The following RGN variants were observed in gnomAD, a reference collection of about 807,000 sequenced individuals.
RGN encodes epididymis secretory protein Li 41.
In RGN, 19 loss-of-function variants were observed where a neutral mutation model predicts 20.6. The observed-to-expected ratio is 0.92, with a 90% CI of 0.64 to 1.35. The LOEUF (loss-of-function observed/expected upper bound fraction) is 1.35. RGN is among the 40% of genes most tolerant of loss of function. The pLI, the probability that RGN is intolerant of heterozygous loss-of-function variation, is 0.00. For synonymous variants in RGN, 85 were observed against 87.2 expected, an observed-to-expected ratio of 0.97 and a Z score of 0.14; for missense variants, 302 against 232.7, an observed-to-expected ratio of 1.30 and a Z score of -1.94.
intron 1 of RGN, among the ~76,000 whole-genome samples, chrX:47,079,524 G>A (rs1294216650): frequency 2.8e-5 from 3 of 107,525 alleles, no homozygotes; most frequent in South Asian, 4.2e-4. Context: ...TCTGCCTCCC[G>A]GGTTCAAACG....
intron 5 of RGN, 46 bp from the exon 6 acceptor site, chrX:47,091,632 G>A (rs1556387890): frequency 1.1e-5 from 13 of 1,178,414 alleles, no homozygotes; most frequent in Non-Finnish European, 1.4e-5. Flanking sequence ...TTAGTGGCCT[G>A]TTGTTTTGTT....
At chrX:47,091,342 G>A (rs1931005493) in intron 5 of RGN, among the ~76,000 whole-genome samples, 1 of 111,909 alleles carries the variant, frequency 8.9e-6, no homozygotes, top group African/African-American at 3.2e-5. Flanking sequence ...AAACAGCAAA[G>A]GTCTAACCAC....
chrX:47,085,185 T>C (rs1292189083), intron 4 of RGN, among the ~76,000 whole-genome samples: 4 of 111,622 alleles, frequency 3.6e-5, no homozygotes, highest in African/African-American at 1.3e-4. Flanking sequence ...TTGTTGTTGA[T>C]GTTTAAATCA....
chrX:47,078,955 C>CTTTTTTT (rs781962121), intron 1 of RGN, among the ~76,000 whole-genome samples: 1 of 78,615 alleles, frequency 1.3e-5, no homozygotes, highest in Non-Finnish European at 2.4e-5. Context: ...CCCACCCCCG[C>CTTTTTTT]TTTTTTTTTT....
At chrX:47,079,341 G>A (rs1556380274) in intron 1 of RGN, among the ~76,000 whole-genome samples, 1 of 64,521 alleles carries the variant, frequency 1.5e-5, no homozygotes, top group Non-Finnish European at 2.7e-5. Flanking sequence ...AGTTTGGGCT[G>A]AGGTTTTTTT....
chrX:47,089,035 A>G (rs1326614052), intron 4 of RGN, among the ~76,000 whole-genome samples: 1 of 98,308 alleles, frequency 1.0e-5, no homozygotes, highest in Non-Finnish European at 2.0e-5. Context: ...CTGTGACCCC[A>G]GCACTTTGGA....
Position 47,084,526 on chromosome X carries a change from C to A in RGN, c.272C>A (p.Ala91Asp), listed in dbSNP as rs1556383210. 1 of 1,203,906 alleles carries A rather than the reference C, an allele frequency of 8.3e-7. No individual in the cohort carries two copies. The highest frequency in any genetic ancestry group is 2.2e-5 in the Admixed American group (1 of 45,274). The change falls in exon 4 of 8, where the codon GCC becomes GAC. Residue 91 changes from alanine to aspartate, a missense_variant. Transcript: ENST00000397180. Reference protein sequence around the residue: ...NWKEQSAVVLATVDNDKKNNR... With the variant: ...NWKEQSAVVLDTVDNDKKNNR... Reference sequence around the variant, plus strand: ...AAAGAACAATCAGCAGTTGTCTTGGCCACGGTGGATAACGACAAGAAAAAC... The same window carrying A: ...AAAGAACAATCAGCAGTTGTCTTGGACACGGTGGATAACGACAAGAAAAAC...
chrX:47,084,430 G>T lies in RGN; in HGVS notation c.176G>T (p.Ser59Ile). The T allele has an allele frequency of 1.7e-6, 2 of 1,202,000 alleles. No homozygotes were observed. Among genetic ancestry groups the T allele is most frequent in the Non-Finnish European group, 1.1e-6 (1 of 890,390 alleles). The change falls in exon 4 of 8, where the codon AGC becomes ATC. Residue 59 changes from serine to isoleucine, a missense_variant. Transcript: ENST00000397180. ...TTTACCTCTACAGATGCCCCAGTCA[G>T]CTCCGTGGCTCTTCGCCAGTCGGGA... ...VQRVTMDAPV[S>I]SVALRQSGGY... is the part of the protein sequence containing the mutation.
intron 4 of RGN, among the ~76,000 whole-genome samples, chrX:47,089,535 T>TTATATATACTTAC (rs1556386135): frequency 2.7e-5 from 2 of 74,223 alleles, no homozygotes; most frequent in Non-Finnish European, 4.8e-5. Flanking sequence ...TATACTCATA[T>TTATATATACTTAC]ATATACATAT....
intron 1 of RGN, among the ~76,000 whole-genome samples, chrX:47,079,398 C>T (rs1257891204): frequency 5.2e-5 from 5 of 95,667 alleles, no homozygotes; most frequent in Admixed American, 1.2e-4. Flanking sequence ...GGTTTGGTTT[C>T]TGTTTTTGTT....
At chrX:47,091,549 G>T in intron 5 of RGN, 129 bp from the exon 6 acceptor site, 1 of 702,076 alleles carries the variant, frequency 1.4e-6, no homozygotes, top group Non-Finnish European at 2.0e-6. Context: ...TTGTTCACAT[G>T]CCAGACACTG....
intron 3 of RGN, among the ~76,000 whole-genome samples, chrX:47,082,147 A>C (rs1930356791): frequency 1.8e-5 from 2 of 111,188 alleles, no homozygotes; most frequent in African/African-American, 6.5e-5. Context: ...AATTCTAAAG[A>C]AGGGATTTAT....
chrX:47,081,747 A>G lies in RGN; in HGVS notation c.163+440A>G, dbSNP rs782450322. 1.5e-4 allele frequency among the ~76,000 whole-genome samples: 17 copies of G among 110,877 alleles called. No individual in the cohort carries two copies. The South Asian group carries it at 6.1e-3, about 40-fold the overall frequency. ...TTTTTTGTAGAGATGGTGTTTCACC[A>G]TGTTGCCCAGGCTAGTCTCAAACTC... On this transcript the variant is annotated intron_variant, in intron 3 of 7. Transcript: ENST00000397180.
intron 5 of RGN, among the ~76,000 whole-genome samples, chrX:47,090,964 G>GAAAGAA (rs1930982285): frequency 9.6e-6 from 1 of 104,227 alleles, no homozygotes; most frequent in African/African-American, 3.5e-5. Context: ...AAGAAAGAAA[G>GAAAGAA]AAAGAAAGAA....
At chrX:47,084,709 C>A in intron 4 of RGN, 109 bp downstream of exon 4, 1 of 670,027 alleles carries the variant, frequency 1.5e-6, no homozygotes, top group Non-Finnish European at 2.2e-6. Context: ...TAATCCAGCA[C>A]TTTGGGAGCC....
chrX:47,089,739 C>G, intron 4 of RGN, 37 bp from the exon 5 acceptor site: 1 of 1,088,467 alleles, frequency 9.2e-7, no homozygotes. Flanking sequence ...GGGTAAGATG[C>G]TATGGGGCAG....
In RGN at chrX:47,078,680, G is replaced by A. The variant is rs1930143334; in HGVS notation, c.-665G>A. ...GCCCGAGGTCCCAGCGGCTCTACCAGATTGTTGTGGAGGCCTCTCACCCGC... is the reference window on the plus strand; with the variant it reads ...GCCCGAGGTCCCAGCGGCTCTACCAAATTGTTGTGGAGGCCTCTCACCCGC... On this transcript the variant is annotated 5_prime_UTR_variant, in exon 1 of 8. Transcript: ENST00000397180. The A allele has an allele frequency of 1.8e-5, 2 of 111,399 alleles. No homozygotes were observed. The highest frequency in any genetic ancestry group is 6.5e-5 in the African/African-American group (2 of 30,644). 9.2% of individuals were successfully genotyped at this position (111,399 alleles called of 1,213,427 possible).
At chrX:47,090,849 G>A (rs1051821292) in intron 5 of RGN, among the ~76,000 whole-genome samples, 2 of 98,347 alleles carry the variant, frequency 2.0e-5, no homozygotes, top group African/African-American at 7.6e-5. Context: ...ACGACAGAGC[G>A]AGACACTGTC....
At chrX:47,085,637 C>A (rs782670872) in intron 4 of RGN, among the ~76,000 whole-genome samples, 2 of 109,621 alleles carry the variant, frequency 1.8e-5, no homozygotes, top group Non-Finnish European at 3.8e-5. Flanking sequence ...ACATCTTTAT[C>A]TCCAGAGTCC....
Sources: gnomAD v4.1 joint callset for allele counts (sites outside exome capture counted in the v4.1 genomes callset) on GRCh38, gnomAD v4.1.1 for gene constraint, MANE v1.5 for transcripts, NCBI Gene and HGNC (gene_info 2026-07-23, HGNC 2026-07-21) for gene names.